DNAJC27: variants seen among roughly 807,000 people sequenced by gnomAD.
DNAJC27 encodes DnaJ heat shock protein family (Hsp40) member C27.
A neutral mutation model predicts 31.4 loss-of-function variants in DNAJC27; 25 were observed. The observed-to-expected ratio is 0.80, with a 90% confidence interval of 0.58 to 1.11. The LOEUF is 1.11. Ranked by LOEUF, DNAJC27 falls within the 50% of genes most tolerant of loss-of-function variation. The pLI is 0.00. For missense variants in DNAJC27, 356 were observed against 347.3 expected (o/e 1.02, Z -0.20); for synonymous variants, 106 against 112.7 (o/e 0.94, Z 0.37).
chr2:24,945,874 G>A lies in DNAJC27; in HGVS notation c.*1742C>T, dbSNP rs945091841. 2.0e-5 allele frequency: 3 copies of A among 152,230 alleles called. No homozygotes were observed. The highest frequency in any genetic ancestry group is 7.2e-5 in the African/African-American group (3 of 41,458). The allele number at this position is 152,230 out of a possible 1,614,324, so 9.4% of individuals were successfully genotyped here. A position where few individuals can be genotyped will look rare whatever the true frequency, so the allele number is the denominator to read the frequency against. ...TGGAAAATCCACAAGGCTGCAGTGG[G>A]CTTGGATTGGAAGAAAGTGGCTTTT... On this transcript the variant is annotated 3_prime_UTR_variant, in exon 7 of 7. Coordinates refer to ENST00000264711, the MANE Select transcript of DNAJC27 (RefSeq NM_016544.3).
intron 2 of DNAJC27, among the ~76,000 whole-genome samples, chr2:24,965,675 G>A (rs1041588170): frequency 3.9e-5 from 6 of 152,338 alleles, no homozygotes; most frequent in Non-Finnish European, 8.8e-5. Context: ...AAATGGTGCT[G>A]TAAGAGCATT....
chr2:24,949,950 A>G (rs774989550), intron 6 of DNAJC27, among the ~76,000 whole-genome samples: 78 of 149,442 alleles, frequency 5.2e-4, no homozygotes, highest in Admixed American at 8.6e-4. Context: ...TTTTTTTTTC[A>G]TAAATGGAGA....
At chr2:24,963,272 G>T in intron 3 of DNAJC27, 133 bp downstream of exon 3, 1 of 577,886 alleles carries the variant, frequency 1.7e-6, no homozygotes, top group Non-Finnish European at 3.0e-6. Context: ...AGGCTCTGAA[G>T]GCAAGCCACG....
intron 1 of DNAJC27, among the ~76,000 whole-genome samples, chr2:24,970,491 G>A (rs887356081): frequency 1.5e-5 from 2 of 137,908 alleles, no homozygotes; most frequent in Non-Finnish European, 3.0e-5. Context: ...TTGAGACGGC[G>A]TCTCACTCTG....
At chr2:24,971,651 A>T in intron 1 of DNAJC27, 167 bp downstream of exon 1, 1 of 534,388 alleles carries the variant, frequency 1.9e-6, no homozygotes, top group Non-Finnish European at 3.3e-6. Flanking sequence ...AAGGTCAAAA[A>T]GGTCGGGGAG....
At chr2:24,954,826 C>A (rs900730828) in intron 5 of DNAJC27, among the ~76,000 whole-genome samples, 2 of 152,186 alleles carry the variant, frequency 1.3e-5, no homozygotes, top group Admixed American at 1.3e-4. Flanking sequence ...AATCCAGCTA[C>A]TCAGGAGGCT....
In DNAJC27 at chr2:24,960,368, C is replaced by T. The variant is rs551351608; in HGVS notation, c.241-2394G>A. Among the ~76,000 whole-genome samples, 104 of 152,346 alleles carry T rather than the reference C, an allele frequency of 6.8e-4. 1 individual carries two copies. The highest frequency in any genetic ancestry group is 3.4e-3 in the Middle Eastern group (1 of 294). ...TCTCTCTCCCACTCCTGGAGCCTTCCTCTTCCCTGAGACAAAACAATATTG... is the reference window on the plus strand; with the variant it reads ...TCTCTCTCCCACTCCTGGAGCCTTCTTCTTCCCTGAGACAAAACAATATTG... On this transcript the variant is annotated intron_variant, in intron 3 of 6. Transcript: ENST00000264711.
chr2:24,950,371 A>G (rs1438244163), intron 6 of DNAJC27, among the ~76,000 whole-genome samples: 3 of 152,154 alleles, frequency 2.0e-5, no homozygotes, highest in Admixed American at 6.5e-5. Context: ...AGGGTGAAGT[A>G]TGTGGGGGGA....
upstream of DNAJC27, chr2:24,971,964 C>T (rs1666356932): frequency 2.5e-6 from 3 of 1,211,124 alleles, no homozygotes; most frequent in Non-Finnish European, 3.3e-6. Flanking sequence ...CTGGCCCGTC[C>T]CTCAGGCCTC....
At chr2:24,951,683 C>T in intron 5 of DNAJC27, 129 bp from the exon 6 acceptor site, 2 of 561,256 alleles carry the variant, frequency 3.6e-6, no homozygotes, top group East Asian at 3.4e-5. Context: ...AGCAAATACA[C>T]ACTTTGGAAG....
intron 6 of DNAJC27, among the ~76,000 whole-genome samples, chr2:24,950,305 T>A (rs968335458): frequency 6.6e-6 from 1 of 152,064 alleles, no homozygotes; most frequent in Non-Finnish European, 1.5e-5. Context: ...GGTGCTGACA[T>A]GGCAATTTCA....
rs748437034 is a variant in DNAJC27, at chr2:24,957,182, G to A, written c.406-17C>T. ...ACAATCAATCTGAAATAGAAGGGGC[G>A]GGGGACAGAGAGAAGATTACAATCT... On this transcript the variant is annotated splice_polypyrimidine_tract_variant and intron_variant, in intron 4 of 6. Coordinates refer to ENST00000264711, the MANE Select transcript of DNAJC27 (RefSeq NM_016544.3). 45 of 1,573,924 alleles carry A rather than the reference G, an allele frequency of 2.9e-5. No individual in the cohort carries two copies. The highest frequency in any genetic ancestry group is 3.3e-5 in the Non-Finnish European group (39 of 1,165,124).
In DNAJC27 at chr2:24,947,318, G is replaced by C. The variant is rs563813072; in HGVS notation, c.*298C>G. On this transcript the variant is annotated 3_prime_UTR_variant, in exon 7 of 7. Transcript: ENST00000264711. ...CCAGGAACCTTGTGGATTTCCCCAA[G>C]TGAAATGTCTAAGTGATACTATAAT... 1.7e-5 allele frequency: 4 copies of C among 229,504 alleles called. No homozygotes were observed. In the South Asian group the frequency reaches 6.9e-4, roughly 40 times the overall value. 14.2% of individuals were successfully genotyped at this position (229,504 alleles called of 1,614,324 possible). A position where few individuals can be genotyped will look rare whatever the true frequency, so the allele number is the denominator to read the frequency against.
At position 24,957,922 on chromosome 2, in the gene DNAJC27, A is replaced by G. The variant is rs1665947098; in HGVS notation, c.293T>C (p.Val98Ala). ...GGCGTCAAAGGAGTCTTTCTGCCCA[A>G]CATCATAGACCAGTATCACACCCTG... ...DTQGVILVYD[V>A]GQKDSFDALD... Residue 98 changes from valine to alanine, a missense_variant, in exon 4 of 7, where the codon GTT (valine) becomes GCT (alanine). Physicochemically the swap from Val to Ala is moderately conservative, Grantham distance 64. Coordinates refer to ENST00000264711, the MANE Select transcript of DNAJC27 (RefSeq NM_016544.3). The G allele has an allele frequency of 1.2e-6, 2 of 1,614,086 alleles. No homozygotes were observed. Among genetic ancestry groups the G allele is most frequent in the African/African-American group, 2.7e-5 (2 of 74,942 alleles).
At chr2:24,959,500 C>T (rs376668774) in intron 3 of DNAJC27, among the ~76,000 whole-genome samples, 1 of 152,100 alleles carries the variant, frequency 6.6e-6, no homozygotes, top group Non-Finnish European at 1.5e-5. Flanking sequence ...CACAGGAAAC[C>T]CCTCAACTTC....
chr2:24,956,977 A>C, intron 5 of DNAJC27, 66 bp downstream of exon 5: 1 of 1,558,374 alleles, frequency 6.4e-7, no homozygotes, highest in Non-Finnish European at 8.6e-7. Context: ...TGCTTCCTAT[A>C]ATTTAAACTG....
chr2:24,967,438 C>G, intron 1 of DNAJC27, 145 bp from the exon 2 acceptor site: 5 of 639,908 alleles, frequency 7.8e-6, no homozygotes, highest in Non-Finnish European at 1.3e-5. Flanking sequence ...CGGTGGCTCA[C>G]GCCTGTCATC....
chr2:24,959,340 C>T (rs1223358423), intron 3 of DNAJC27, among the ~76,000 whole-genome samples: 2 of 152,152 alleles, frequency 1.3e-5, no homozygotes, highest in East Asian at 1.9e-4. Flanking sequence ...AATCCTTCCT[C>T]CCAAATCAGC....
At chr2:24,958,198 G>GC (rs1312725812) in intron 3 of DNAJC27, among the ~76,000 whole-genome samples, 7 of 152,092 alleles carry the variant, frequency 4.6e-5, no homozygotes, top group Admixed American at 4.6e-4. Flanking sequence ...ACAGCCTCCT[G>GC]CCCCACCCCG....
Sources: allele counts gnomAD v4.1 joint callset (sites outside exome capture counted in the v4.1 genomes callset), GRCh38; gene constraint gnomAD v4.1.1; transcripts MANE v1.5; gene names NCBI Gene and HGNC (gene_info 2026-07-23, HGNC 2026-07-21).